THSD7A: variants seen among roughly 807,000 people sequenced by gnomAD.
THSD7A encodes the protein thrombospondin type 1 domain containing 7A.
Under a neutral mutation model 231.3 loss-of-function variants are expected in THSD7A, and 96 were observed. The observed-to-expected ratio is 0.41, with a 90% CI of 0.35 to 0.49. The LOEUF is 0.49. Among genes scored for constraint, THSD7A ranks in the 20% least tolerant of loss-of-function variants. The pLI, the probability that THSD7A is intolerant of heterozygous loss-of-function variation, is 0.05. For synonymous variants in THSD7A, 940 were observed against 743.3 expected, an observed-to-expected ratio of 1.26 and a Z score of -4.30; for missense variants, 2,290 against 2,070.2, an observed-to-expected ratio of 1.11 and a Z score of -2.06.
intron 6 of THSD7A, among the ~76,000 whole-genome samples, chr7:11,531,788 C>A (rs907560712): frequency 6.6e-6 from 1 of 152,166 alleles, no homozygotes; most frequent in African/African-American, 2.4e-5. Context: ...GTTTGGCTGG[C>A]ACTTCCGGGT....
chr7:11,720,164 C>G (rs1781299870), intron 1 of THSD7A, among the ~76,000 whole-genome samples: 1 of 151,662 alleles, frequency 6.6e-6, no homozygotes, highest in Non-Finnish European at 1.5e-5. Flanking sequence ...CCTAGAAATC[C>G]TATTTTGTCT....
intron 1 of THSD7A, among the ~76,000 whole-genome samples, chr7:11,679,449 C>T (rs940112605): frequency 2.6e-5 from 4 of 152,064 alleles, no homozygotes; most frequent in African/African-American, 9.7e-5. Context: ...TTTAGAAAAC[C>T]CCATTGTCTC....
intron 1 of THSD7A, among the ~76,000 whole-genome samples, chr7:11,695,982 T>C (rs1780384062): frequency 6.6e-6 from 1 of 151,418 alleles, no homozygotes; most frequent in Non-Finnish European, 1.5e-5. Context: ...TTAAGTGTAG[T>C]TTTGGTATTT....
At chr7:11,569,379 A>T (rs1376162182) in intron 4 of THSD7A, among the ~76,000 whole-genome samples, 1 of 152,234 alleles carries the variant, frequency 6.6e-6, no homozygotes, top group Admixed American at 6.5e-5. Flanking sequence ...CTGAATAGAC[A>T]TTTCTTAAAA....
At chr7:11,580,289 G>A (rs1291308124) in intron 4 of THSD7A, among the ~76,000 whole-genome samples, 1 of 151,980 alleles carries the variant, frequency 6.6e-6, no homozygotes, top group Non-Finnish European at 1.5e-5. Context: ...GAGGATATAT[G>A]CTTTAGAGAA....
intron 20 of THSD7A, 76 bp downstream of exon 20, chr7:11,407,230 T>A (rs895785994): frequency 7.0e-7 from 1 of 1,436,902 alleles, no homozygotes; most frequent in African/African-American, 1.4e-5. Context: ...TTATTTGATA[T>A]GGGTTAAAGC....
At chr7:11,404,340 T>A (rs535159227) in intron 22 of THSD7A, among the ~76,000 whole-genome samples, 1 of 152,034 alleles carries the variant, frequency 6.6e-6, no homozygotes, top group Admixed American at 6.5e-5. Flanking sequence ...ATGTGAGGAG[T>A]GTCCATAGTA....
rs368385452 is a variant in THSD7A, at chr7:11,725,039, G to A, written c.191-88078C>T. On this transcript the variant is annotated intron_variant, in intron 1 of 27. Coordinates refer to ENST00000423059, the MANE Select transcript of THSD7A (RefSeq NM_015204.3). ...CAAAGAAATAGAAGAGAAGATCCAC[G>A]TAACTCTTCATTTGTCTGTAAAAGT... 2.6e-5 allele frequency among the ~76,000 whole-genome samples: 4 copies of A among 151,742 alleles called. No individual in the cohort carries two copies. In the South Asian group the frequency reaches 8.3e-4, roughly 31 times the overall value.
At chr7:11,440,710 A>G (rs1784777387) in intron 13 of THSD7A, among the ~76,000 whole-genome samples, 1 of 152,006 alleles carries the variant, frequency 6.6e-6, no homozygotes. Flanking sequence ...TCATGATAAC[A>G]CTTGAAGAGA....
At position 11,390,015 on chromosome 7, in the gene THSD7A, A is replaced by T. The variant is rs191591488; in HGVS notation, c.4412-7399T>A. ...TCTGATGGGCTTCCCTTTGTGGGTA[A>T]CCTGACCTTTCTATCTGGCTGCCCT... is the stretch of plus-strand genomic sequence containing the variant. On this transcript the variant is annotated intron_variant, in intron 23 of 27. Transcript: ENST00000423059. Among the ~76,000 whole-genome samples the T allele has an allele frequency of 6.5e-3, 991 of 152,248 alleles. 3 individuals carry two copies. Among genetic ancestry groups the T allele is most frequent in the Non-Finnish European group, 9.6e-3 (650 of 68,018 alleles).
intron 1 of THSD7A, among the ~76,000 whole-genome samples, chr7:11,796,027 A>G (rs1784112170): frequency 7.7e-6 from 1 of 130,016 alleles, no homozygotes. Context: ...TTGAAATTAA[A>G]TTAGCCATAT....
At chr7:11,524,280 G>A (rs914444741) in intron 6 of THSD7A, among the ~76,000 whole-genome samples, 16 of 152,084 alleles carry the variant, frequency 1.1e-4, no homozygotes, top group African/African-American at 3.6e-4. Flanking sequence ...CATTCTAGAT[G>A]TATGACAATC....
intron 1 of THSD7A, among the ~76,000 whole-genome samples, chr7:11,793,424 T>C (rs1400931368): frequency 6.6e-6 from 1 of 151,858 alleles, no homozygotes; most frequent in Non-Finnish European, 1.5e-5. Flanking sequence ...ATAATTTTCT[T>C]AGAAATAACA....
chr7:11,728,541 T>C (rs1781621544), intron 1 of THSD7A, among the ~76,000 whole-genome samples: 1 of 151,956 alleles, frequency 6.6e-6, no homozygotes, highest in Admixed American at 6.6e-5. Context: ...AAAAACTCTC[T>C]TTATGCCATA....
In THSD7A at chr7:11,411,259, A is replaced by G. The variant is rs780576900; in HGVS notation, c.3746T>C (p.Leu1249Ser). ...VCGNGIKTRM[L>S]DCVRSDGKSV... Reference sequence around the variant, plus strand: ...CTTGCCATCACTTCGAACACAATCCAACATCCTTGTTTTTATTCCATTTCC... The same window carrying G: ...CTTGCCATCACTTCGAACACAATCCGACATCCTTGTTTTTATTCCATTTCC... The change falls in exon 19 of 28, where the codon TTG becomes TCG. Residue 1249 changes from leucine to serine, a missense_variant. By Grantham distance (145) the Leu-to-Ser change is moderately radical. Coordinates refer to ENST00000423059, the MANE Select transcript of THSD7A (RefSeq NM_015204.3). This position sits in a 1 kb window ranked among gnomAD's most constrained non-coding sequence, Gnocchi z 4.1. 1 of 1,613,874 alleles carries G rather than the reference A, an allele frequency of 6.2e-7. No homozygotes were observed. Among genetic ancestry groups the G allele is most frequent in the South Asian group, 1.1e-5 (1 of 91,076 alleles).
chr7:11,513,097 G>T (rs1343920323), intron 6 of THSD7A, among the ~76,000 whole-genome samples: 1 of 151,568 alleles, frequency 6.6e-6, no homozygotes, highest in Non-Finnish European at 1.5e-5. Context: ...TAATAGGTGG[G>T]AGCTGAGCTA....
chr7:11,710,301 T>A (rs1250158331), intron 1 of THSD7A, among the ~76,000 whole-genome samples: 7 of 150,766 alleles, frequency 4.6e-5, no homozygotes, highest in African/African-American at 1.7e-4. Context: ...TTAGAGCTAT[T>A]GCTCAGTGAC....
chr7:11,665,906 G>A (rs77979633), intron 1 of THSD7A, among the ~76,000 whole-genome samples: 1,765 of 152,210 alleles, frequency 0.012, 34 homozygotes, highest in African/African-American at 0.04. Flanking sequence ...AGTAATGTAT[G>A]CACTACAGAG....
At chr7:11,800,544 C>A (rs556064140) in intron 1 of THSD7A, among the ~76,000 whole-genome samples, 13 of 152,000 alleles carry the variant, frequency 8.6e-5, no homozygotes, top group Non-Finnish European at 1.8e-4. Context: ...AACGAAACCC[C>A]ATCTCAAAAA....
Sources: allele counts gnomAD v4.1 joint callset (sites outside exome capture counted in the v4.1 genomes callset), GRCh38; gene constraint gnomAD v4.1.1; non-coding constraint Gnocchi (gnomAD v3.1); transcripts MANE v1.5; gene names NCBI Gene and HGNC (gene_info 2026-07-23, HGNC 2026-07-21).